Variants in C1GALT1 observed in about 807,000 individuals in gnomAD.
C1GALT1 encodes core 1 synthase, glycoprotein-N-acetylgalactosamine 3-beta-galactosyltransferase 1.
C1GALT1 carries 11 observed loss-of-function variants against 31.0 expected under a neutral mutation model. That is an observed-to-expected ratio of 0.36 (90% CI 0.22 to 0.59). C1GALT1 has a LOEUF of 0.59. Among genes scored for constraint, C1GALT1 ranks in the 20% least tolerant of loss-of-function variants. C1GALT1 has a pLI of 0.79. For missense variants in C1GALT1, 424 were observed against 425.2 expected, an observed-to-expected ratio of 1.00 and a Z score of 0.03; for synonymous variants, 175 against 143.6, an observed-to-expected ratio of 1.22 and a Z score of -1.56.
At chr7:7,190,311 G>T (rs994566876) in intron 1 of C1GALT1, among the ~76,000 whole-genome samples, 1 of 151,914 alleles carries the variant, frequency 6.6e-6, no homozygotes, top group Non-Finnish European at 1.5e-5. Flanking sequence ...ATTCCCTGGA[G>T]ACTACAAAAT....
intron 1 of C1GALT1, among the ~76,000 whole-genome samples, chr7:7,197,764 T>C (rs1360297904): frequency 6.6e-6 from 1 of 152,192 alleles, no homozygotes; most frequent in East Asian, 1.9e-4. Flanking sequence ...TCACATCCCT[T>C]GTAAGTTGGA....
At chr7:7,164,893 C>T (rs1177299759) in intron 2 of C1GALT1, among the ~76,000 whole-genome samples, 1 of 152,128 alleles carries the variant, frequency 6.6e-6, no homozygotes, top group East Asian at 1.9e-4. Context: ...CAAACCATTA[C>T]AGTGTTCACC....
At chr7:7,204,378 A>G (rs1781650373) in intron 1 of C1GALT1, among the ~76,000 whole-genome samples, 1 of 151,872 alleles carries the variant, frequency 6.6e-6, no homozygotes, top group African/African-American at 2.4e-5. Flanking sequence ...GTATCCTCTT[A>G]TCATCCTTTG....
intron 1 of C1GALT1, among the ~76,000 whole-genome samples, chr7:7,188,642 A>G (rs1186848783): frequency 8.5e-5 from 13 of 152,214 alleles, no homozygotes; most frequent in Non-Finnish European, 2.9e-5. Context: ...TAGTTCCCAG[A>G]GATAGCTCTT....
intron 1 of C1GALT1, among the ~76,000 whole-genome samples, chr7:7,186,002 T>G (rs990808377): frequency 1.3e-5 from 2 of 152,028 alleles, no homozygotes; most frequent in Admixed American, 1.3e-4. Context: ...AAGAAATTTA[T>G]TCCTTACAGT....
rs185838675 is a variant in C1GALT1 at position 7,198,332 on chromosome 7, C to T, written c.-18+15512C>T. Among the ~76,000 whole-genome samples, 141 of 152,240 alleles carry T rather than the reference C, an allele frequency of 9.3e-4. 1 individual carries two copies. In the East Asian group the frequency reaches 0.02, roughly 22 times the overall value. ...TTGGTTCTGTTTATATGATGGATTA[C>T]GTTTATTGATTTGCGTATGTTGAAC... On this transcript the variant is annotated intron_variant, in intron 1 of 3. Coordinates refer to ENST00000436587, the MANE Select transcript of C1GALT1 (RefSeq NM_020156.5).
Position 7,210,862 on chromosome 7 carries a change from C to T in C1GALT1, c.-17-23441C>T, listed in dbSNP as rs550166742. ...GCTGGCCTGGCTTTAACAGCCGTGG[C>T]TTTACAAGAAACTTTTCTGGAGATG... On this transcript the variant is annotated intron_variant, in intron 1 of 3. Transcript: ENST00000436587. Among the ~76,000 whole-genome samples the T allele has an allele frequency of 3.0e-4, 46 of 152,304 alleles. 1 individual carries two copies. The South Asian group carries it at 6.0e-3, about 20-fold the overall frequency.
intron 1 of C1GALT1, among the ~76,000 whole-genome samples, chr7:7,229,727 T>G (rs1410784408): frequency 6.6e-6 from 1 of 152,152 alleles, no homozygotes; most frequent in African/African-American, 2.4e-5. Context: ...ATATAAAGAT[T>G]ACACTAACGG....
chr7:7,178,751 C>G (rs1331668897), upstream of C1GALT1, among the ~76,000 whole-genome samples: 1 of 152,176 alleles, frequency 6.6e-6, no homozygotes, highest in East Asian at 1.9e-4. Flanking sequence ...ATTCAAACAA[C>G]AAATAATTGA....
At chr7:7,221,023 C>T (rs137962586) in intron 1 of C1GALT1, among the ~76,000 whole-genome samples, 8 of 152,242 alleles carry the variant, frequency 5.3e-5, no homozygotes, top group East Asian at 1.9e-4. Flanking sequence ...TTGACCCACG[C>T]GTCCTGAGGT....
intron 3 of C1GALT1, among the ~76,000 whole-genome samples, chr7:7,239,900 G>T (rs1381050414): frequency 6.6e-6 from 1 of 152,086 alleles, no homozygotes; most frequent in African/African-American, 2.4e-5. Context: ...TTACATGTCT[G>T]CTGTGTTCAC....
chr7:7,186,942 G>A (rs1403785448), intron 1 of C1GALT1, among the ~76,000 whole-genome samples: 1 of 152,200 alleles, frequency 6.6e-6, no homozygotes, highest in African/African-American at 2.4e-5. Flanking sequence ...AGACGGGAGG[G>A]TTTTGAGCAA....
chr7:7,169,532 T>G (rs924436615), intron 2 of C1GALT1, among the ~76,000 whole-genome samples: 4 of 151,690 alleles, frequency 2.6e-5, no homozygotes, highest in Non-Finnish European at 5.9e-5. Context: ...ATTTTCTGTT[T>G]GGATATTTTG....
At chr7:7,203,945 C>T (rs1366150298) in intron 1 of C1GALT1, among the ~76,000 whole-genome samples, 1 of 151,908 alleles carries the variant, frequency 6.6e-6, no homozygotes, top group Non-Finnish European at 1.5e-5. Flanking sequence ...ATTTTGCATC[C>T]TTTAACACAT....
chr7:7,185,674 A>G (rs557502157), intron 1 of C1GALT1, among the ~76,000 whole-genome samples: 1 of 152,308 alleles, frequency 6.6e-6, no homozygotes, highest in South Asian at 2.1e-4. Flanking sequence ...TACTAGTCGT[A>G]TTGGATTAAG....
chr7:7,200,908 T>C (rs750540721), intron 1 of C1GALT1, among the ~76,000 whole-genome samples: 9 of 152,234 alleles, frequency 5.9e-5, no homozygotes, highest in Non-Finnish European at 8.8e-5. Flanking sequence ...TAATCTTTTT[T>C]CAAGGTTTTT....
intron 1 of C1GALT1, among the ~76,000 whole-genome samples, chr7:7,207,803 A>G (rs34414323): frequency 0.16 from 23,566 of 145,688 alleles, 2,091 homozygotes; most frequent in East Asian, 0.37. Flanking sequence ...TTTTTTTTTT[A>G]ATTGTTGCAG....
chr7:7,167,423 C>T (rs1434653140), intron 2 of C1GALT1, among the ~76,000 whole-genome samples: 1 of 152,064 alleles, frequency 6.6e-6, no homozygotes, highest in Non-Finnish European at 1.5e-5. Flanking sequence ...TTATACTGCA[C>T]ATTACACATC....
chr7:7,173,855 C>T (rs556198892), intron 2 of C1GALT1, among the ~76,000 whole-genome samples: 20 of 152,170 alleles, frequency 1.3e-4, no homozygotes, highest in South Asian at 8.3e-4. Context: ...GTGATCCTGC[C>T]GAGATCATGC....
Sources: allele counts gnomAD v4.1 joint callset (sites outside exome capture counted in the v4.1 genomes callset), GRCh38; gene constraint gnomAD v4.1.1; transcripts MANE v1.5; gene names NCBI Gene and HGNC (gene_info 2026-07-23, HGNC 2026-07-21).